The following IL1R1 variants were observed in gnomAD, a reference collection of about 807,000 sequenced individuals.
The protein encoded by IL1R1 is interleukin 1 receptor type 1.
A neutral mutation model predicts 50.2 loss-of-function variants in IL1R1; 22 were observed. The observed-to-expected ratio is 0.44, with a 90% CI of 0.31 to 0.63. The LOEUF is 0.63. Ranked by LOEUF, IL1R1 falls within the 20% of genes least tolerant of loss-of-function variation. The probability of loss-of-function intolerance (pLI) is 0.07; values close to 1 mark genes in which losing one functional copy is unlikely to be tolerated. For synonymous variants in IL1R1, 251 were observed against 236.7 expected (o/e 1.06, Z -0.55); for missense variants, 509 against 676.2 (o/e 0.75, Z 2.74).
chr2:102,109,495 C>T (rs1680620231), intron 1 of IL1R1, among the ~76,000 whole-genome samples: 1 of 152,120 alleles, frequency 6.6e-6, no homozygotes, highest in Non-Finnish European at 1.5e-5. Flanking sequence ...GTCCATGTGC[C>T]ACACTGGCCT....
At chr2:102,111,634 G>C (rs1022422117) in intron 1 of IL1R1, among the ~76,000 whole-genome samples, 1 of 152,190 alleles carries the variant, frequency 6.6e-6, no homozygotes, top group African/African-American at 2.4e-5. Context: ...GCAGCTTACA[G>C]TCCATCTGCG....
chr2:102,075,613 CATGCAACTG>C (rs1373680446), intron 1 of IL1R1, among the ~76,000 whole-genome samples: 1 of 152,172 alleles, frequency 6.6e-6, no homozygotes, highest in Non-Finnish European at 1.5e-5. Flanking sequence ...GCATATATTG[CATGCAACTG>C]GTTTGCAAGT....
chr2:102,147,044 A>G (rs753649914), intron 1 of IL1R1, among the ~76,000 whole-genome samples: 1 of 152,176 alleles, frequency 6.6e-6, no homozygotes, highest in Non-Finnish European at 1.5e-5. Context: ...AGCCATCAGG[A>G]ATGCACTTCC....
At position 102,164,985 on chromosome 2, in the gene IL1R1, A is replaced by G. The variant is rs1358937255; in HGVS notation, c.273A>G (p.Ser91=). ...TTGTTCCTGCTAAGGTGGAGGATTC[A>G]GGACATTACTATTGCGTGGTAAGGT... The part of the protein sequence containing the change: ...LWFVPAKVED[S]GHYYCVVRNS... The change falls in exon 4 of 12, where the codon TCA becomes TCG. Residue 91 remains serine (S), a synonymous_variant. Transcript: ENST00000410023. The G allele has an allele frequency of 1.2e-6, 2 of 1,613,854 alleles. No homozygotes were observed. The highest frequency in any genetic ancestry group is 1.7e-6 in the Non-Finnish European group (2 of 1,179,822).
rs553156616 is a variant in IL1R1 at position 102,097,961 on chromosome 2, C to A, written c.-84+27428C>A. Reference sequence around the variant, plus strand: ...ACCATTGACACCAAAACTAGAAAATCCCAGTATAAGAAAATAAAATCATAT... The same window carrying A: ...ACCATTGACACCAAAACTAGAAAATACCAGTATAAGAAAATAAAATCATAT... On this transcript the variant is annotated intron_variant, in intron 1 of 11. Transcript: ENST00000409929. Among the ~76,000 whole-genome samples, 8 of 151,916 alleles carry A rather than the reference C, an allele frequency of 5.3e-5. No homozygotes were observed. In the South Asian group the frequency reaches 1.7e-3, roughly 32 times the overall value.
chr2:102,128,394 C>T (rs9284725), intron 1 of IL1R1, among the ~76,000 whole-genome samples: 1 of 152,140 alleles, frequency 6.6e-6, no homozygotes, highest in African/African-American at 2.4e-5. Flanking sequence ...TCATTTTATA[C>T]GTTCAAAGAG....
chr2:102,113,484 A>G (rs1680894706), intron 1 of IL1R1, among the ~76,000 whole-genome samples: 1 of 152,222 alleles, frequency 6.6e-6, no homozygotes, highest in Non-Finnish European at 1.5e-5. Context: ...TGGGTCACAA[A>G]ACCAAAGCAT....
At chr2:102,093,549 T>A (rs1226435803) in intron 1 of IL1R1, among the ~76,000 whole-genome samples, 1 of 152,194 alleles carries the variant, frequency 6.6e-6, no homozygotes, top group Non-Finnish European at 1.5e-5. Context: ...AGGTATATAG[T>A]GGTACCGCAT....
intron 8 of IL1R1, chr2:102,172,365 T>C (rs1348376223): frequency 2.0e-6 from 2 of 985,236 alleles, no homozygotes; most frequent in Non-Finnish European, 2.4e-6. Flanking sequence ...CAAAGCACTT[T>C]GTCATCTGCC....
chr2:102,104,613 A>G (rs978831187), exon 1 of IL1R1: 4 of 151,116 alleles, frequency 2.6e-5, no homozygotes, highest in African/African-American at 9.8e-5. Flanking sequence ...CATCTCCAAA[A>G]CCCCACTTTC....
Position 102,172,681 on chromosome 2 carries a change from G to A in IL1R1, c.840-6G>A, listed in dbSNP as rs376293879. 1.6e-5 allele frequency: 26 copies of A among 1,597,950 alleles called. No homozygotes were observed. The highest frequency in any genetic ancestry group is 1.1e-4 in the East Asian group (5 of 44,718). On this transcript the variant is annotated splice_polypyrimidine_tract_variant and splice_region_variant and intron_variant, in intron 8 of 11. Coordinates refer to ENST00000410023, the MANE Select transcript of IL1R1 (RefSeq NM_000877.4). ...CACAAGTTTATTTACTCTCTCTCTC[G>A]AATAGTGTGGAAAATCCTGCAAACA...
At chr2:102,126,697 C>T (rs537205824) in intron 1 of IL1R1, among the ~76,000 whole-genome samples, 2 of 151,740 alleles carry the variant, frequency 1.3e-5, no homozygotes, top group African/African-American at 4.8e-5. Flanking sequence ...GCACACCCAA[C>T]CAAAAATACT....
At chr2:102,148,945 A>AAAACAAACAAAC (rs35503646) in intron 1 of IL1R1, among the ~76,000 whole-genome samples, 12 of 150,592 alleles carry the variant, frequency 8.0e-5, no homozygotes, top group African/African-American at 2.7e-4. Flanking sequence ...ACTCTGTCTC[A>AAAACAAACAAAC]AAACAAACAA....
intron 1 of IL1R1, among the ~76,000 whole-genome samples, chr2:102,125,399 G>A (rs1481630919): frequency 6.6e-6 from 1 of 152,156 alleles, no homozygotes; most frequent in African/African-American, 2.4e-5. Flanking sequence ...GTTCTTCTTG[G>A]TCGTAGCTCT....
chr2:102,138,319 A>C (rs184313109), upstream of IL1R1, among the ~76,000 whole-genome samples: 1 of 152,236 alleles, frequency 6.6e-6, no homozygotes, highest in Non-Finnish European at 1.5e-5. Context: ...CAGGTGCAAG[A>C]AGCCTCTTTC....
At chr2:102,149,196 T>G (rs1306487908) in intron 1 of IL1R1, among the ~76,000 whole-genome samples, 3 of 111,024 alleles carry the variant, frequency 2.7e-5, no homozygotes, top group African/African-American at 1.0e-4. Flanking sequence ...ATCTCTCCAT[T>G]ACATCAGATC....
chr2:102,176,324 C>T, intron 11 of IL1R1, 29 bp from the exon 12 acceptor site: 1 of 1,591,792 alleles, frequency 6.3e-7, no homozygotes, highest in Non-Finnish European at 8.6e-7. Flanking sequence ...TAGAATTTTA[C>T]TTACTATATT....
At chr2:102,133,901 C>CAAA (rs10566008) in intron 1 of IL1R1, among the ~76,000 whole-genome samples, 3,430 of 141,560 alleles carry the variant, frequency 0.024, 138 homozygotes, top group African/African-American at 0.084. Context: ...CTAGCTGGTG[C>CAAA]AAAAAAAAAA....
chr2:102,119,301 T>G (rs1577889854), intron 1 of IL1R1, among the ~76,000 whole-genome samples: 1 of 152,214 alleles, frequency 6.6e-6, no homozygotes, highest in East Asian at 1.9e-4. Flanking sequence ...TCAAAACACT[T>G]TGTACTTCCT....
Sources: gnomAD v4.1 joint callset for allele counts (sites outside exome capture counted in the v4.1 genomes callset) on GRCh38, gnomAD v4.1.1 for gene constraint, MANE v1.5 for transcripts, NCBI Gene and HGNC (gene_info 2026-07-23, HGNC 2026-07-21) for gene names.